POU2F2: variants seen among roughly 807,000 people sequenced by gnomAD.
POU2F2 encodes the protein POU class 2 homeobox 2, also known as POU domain, class 2, transcription factor 2.
POU2F2 carries 14 observed loss-of-function variants against 63.5 expected under a neutral mutation model. That is an observed-to-expected ratio of 0.22 (90% CI 0.15 to 0.34). The LOEUF (loss-of-function observed/expected upper bound fraction) is 0.34, where lower values mean the gene tolerates loss of function less well. Ranked by LOEUF, POU2F2 falls within the 10% of genes least tolerant of loss-of-function variation. The pLI, the probability that POU2F2 is intolerant of heterozygous loss-of-function variation, is 1.00. For missense variants in POU2F2, 607 were observed against 815.2 expected, an observed-to-expected ratio of 0.74 and a Z score of 3.11; for synonymous variants, 306 against 348.6, an observed-to-expected ratio of 0.88 and a Z score of 1.36.
At position 42,095,337 on chromosome 19, in the gene POU2F2, C is replaced by T. The variant is rs192872020; in HGVS notation, c.1146G>A (p.Ala382=). 4.2e-5 allele frequency: 67 copies of T among 1,613,964 alleles called. No individual in the cohort carries two copies. In the East Asian group the frequency reaches 1.3e-3, roughly 32 times the overall value. ...QKEKRINPCS[A]APMLPSPGKP... The stretch of plus-strand genomic sequence containing the variant: ...TCCCTGGGCTGGGCAGCATGGGGGC[C>T]GCACTGCAGGGGTTGATGCGTTTCT... Residue 382 remains alanine (A), a synonymous_variant, in exon 11 of 15, where the codon GCG becomes GCA. Coordinates refer to ENST00000692977, the MANE Select transcript of POU2F2 (RefSeq NM_001394376.1). This position sits in a 1 kb window ranked among gnomAD's most constrained non-coding sequence, Gnocchi z 7.1.
upstream of POU2F2, among the ~76,000 whole-genome samples, chr19:42,180,923 T>A (rs1305176067): frequency 2.0e-5 from 3 of 150,376 alleles, no homozygotes; most frequent in Non-Finnish European, 3.0e-5. Context: ...AGAGATGAGG[T>A]CTCCATATGT....
upstream of POU2F2, among the ~76,000 whole-genome samples, chr19:42,136,186 C>CTTTT (rs775409108): frequency 7.7e-6 from 1 of 130,466 alleles, no homozygotes; most frequent in Non-Finnish European, 1.6e-5. Context: ...CTATGCTTTC[C>CTTTT]TTTTTTTTTT....
chr19:42,101,070 C>T (rs2077122644), intron 5 of POU2F2, among the ~76,000 whole-genome samples: 1 of 152,166 alleles, frequency 6.6e-6, no homozygotes, highest in African/African-American at 2.4e-5. Context: ...TGTGTCTCTG[C>T]ACTGCAGCCT....
chr19:42,152,997 C>T lies in POU2F2; in HGVS notation c.-9+7335G>A, dbSNP rs1159631354. On this transcript the variant is annotated intron_variant, in intron 2 of 6. Coordinates refer to the POU2F2 transcript ENST00000524801. This position sits in a 1 kb window ranked among gnomAD's most constrained non-coding sequence, Gnocchi z 4.1. ...TGAATGGACACAAAGAACAGTGGGG[C>T]GAACCCTCAGGCCGGCCTGCGCCCA... is the stretch of plus-strand genomic sequence containing the variant. 6.6e-6 allele frequency among the ~76,000 whole-genome samples: 1 copy of T among 152,076 alleles called. No individual in the cohort carries two copies. The highest frequency in any genetic ancestry group is 2.4e-5 in the African/African-American group (1 of 41,394).
At position 42,153,996 on chromosome 19, in the gene POU2F2, G is replaced by A. The variant is rs1234199519; in HGVS notation, c.-9+6336C>T. 2.0e-5 allele frequency among the ~76,000 whole-genome samples: 3 copies of A among 151,608 alleles called. No individual in the cohort carries two copies. Among genetic ancestry groups the A allele is most frequent in the Non-Finnish European group, 4.4e-5 (3 of 67,882 alleles). On this transcript the variant is annotated intron_variant, in intron 2 of 6. Transcript: ENST00000524801. This position sits in a 1 kb window ranked among gnomAD's most constrained non-coding sequence, Gnocchi z 5.6. Reference sequence around the variant, plus strand: ...CCCCGTCCCTCCCCCGGCACCTTGGGCAGGCTGTACCTCTGCTCCTCAACA... The same window carrying A: ...CCCCGTCCCTCCCCCGGCACCTTGGACAGGCTGTACCTCTGCTCCTCAACA...
At chr19:42,173,189 T>C (rs2034804750) in intron 1 of POU2F2, among the ~76,000 whole-genome samples, 1 of 152,286 alleles carries the variant, frequency 6.6e-6, no homozygotes, top group African/African-American at 2.4e-5. Context: ...GAGGAGGCCT[T>C]ACACCCACTC....
At chr19:42,112,159 G>A (rs2031209410) in intron 5 of POU2F2, among the ~76,000 whole-genome samples, 1 of 152,204 alleles carries the variant, frequency 6.6e-6, no homozygotes, top group African/African-American at 2.4e-5. Context: ...GGACTCCAAG[G>A]CCCTGTGGAT....
chr19:42,109,374 G>C (rs1313586568), intron 5 of POU2F2, among the ~76,000 whole-genome samples: 1 of 152,202 alleles, frequency 6.6e-6, no homozygotes, highest in Admixed American at 6.5e-5. Context: ...ATGGCAAATT[G>C]TGACCAGCTC....
upstream of POU2F2, among the ~76,000 whole-genome samples, chr19:42,133,212 C>A (rs533547182): frequency 4.3e-4 from 65 of 152,282 alleles, 1 homozygote; most frequent in East Asian, 0.012. The surrounding 1 kb of genome is among the most constrained non-coding windows in gnomAD (Gnocchi z 5.1). Flanking sequence ...CGCGCTGCGG[C>A]GCTCCCATTT....
At chr19:42,161,338 A>G (rs1213178069) in intron 1 of POU2F2, among the ~76,000 whole-genome samples, 1 of 152,138 alleles carries the variant, frequency 6.6e-6, no homozygotes, top group African/African-American at 2.4e-5. Flanking sequence ...GCCTGGTCCA[A>G]GCAGCCAGGG....
intron 1 of POU2F2, among the ~76,000 whole-genome samples, chr19:42,195,102 GGAGGGAGGGAGGGAGGAACGAAGA>G (rs2035124958): frequency 2.2e-5 from 2 of 89,044 alleles, no homozygotes; most frequent in African/African-American, 9.1e-5. Context: ...AGGAAGGAAG[GGAGGGAGGGAGGGAGGAACGAAGA>G]GAGGGAGGAA....
chr19:42,111,798 T>C (rs536885238), intron 5 of POU2F2, among the ~76,000 whole-genome samples: 13 of 152,268 alleles, frequency 8.5e-5, no homozygotes, highest in Admixed American at 3.9e-4. Context: ...TCTTTTCTAC[T>C]CTTATCCCCT....
intron 1 of POU2F2, among the ~76,000 whole-genome samples, chr19:42,193,731 T>C (rs966238295): frequency 1.3e-5 from 2 of 152,262 alleles, no homozygotes; most frequent in Non-Finnish European, 2.9e-5. Context: ...TGCATACGCA[T>C]ACCTATGTCC....
At chr19:42,106,836 G>C (rs932904870) in intron 5 of POU2F2, among the ~76,000 whole-genome samples, 1 of 150,814 alleles carries the variant, frequency 6.6e-6, no homozygotes, top group Non-Finnish European at 1.5e-5. Context: ...GGAGGAGGAG[G>C]AGCAGGAGGA....
intron 5 of POU2F2, among the ~76,000 whole-genome samples, chr19:42,115,495 G>T (rs1053567424): frequency 3.3e-5 from 5 of 152,182 alleles, no homozygotes; most frequent in Non-Finnish European, 5.9e-5. Flanking sequence ...AGGTGGCTTT[G>T]CTGTAGGGCT....
At chr19:42,182,809 G>A (rs2034976916) in intron 1 of POU2F2, among the ~76,000 whole-genome samples, 1 of 152,208 alleles carries the variant, frequency 6.6e-6, no homozygotes, top group African/African-American at 2.4e-5. Flanking sequence ...GGGACAGGCA[G>A]GAGGAGGAGT....
intron 2 of POU2F2, among the ~76,000 whole-genome samples, chr19:42,142,298 C>T (rs1023633631): frequency 2.6e-5 from 4 of 152,056 alleles, no homozygotes; most frequent in Admixed American, 1.3e-4. Context: ...TCAAGGGATT[C>T]TCCTGCCTCA....
intron 2 of POU2F2, among the ~76,000 whole-genome samples, chr19:42,143,816 T>C (rs547246014): frequency 6.6e-6 from 1 of 152,268 alleles, no homozygotes; most frequent in South Asian, 2.1e-4. Flanking sequence ...GTCCCCTTAC[T>C]TACTCCAGAA....
At chr19:42,154,269 C>A (rs563954979) in intron 2 of POU2F2, among the ~76,000 whole-genome samples, 5 of 151,054 alleles carry the variant, frequency 3.3e-5, no homozygotes, top group African/African-American at 1.2e-4. Flanking sequence ...CCCCGAGAGA[C>A]GACAAGAGAA....
Sources: gnomAD v4.1 joint callset for allele counts (sites outside exome capture counted in the v4.1 genomes callset) on GRCh38, gnomAD v4.1.1 for gene constraint, Gnocchi (gnomAD v3.1) non-coding constraint, MANE v1.5 for transcripts, NCBI Gene and HGNC (gene_info 2026-07-23, HGNC 2026-07-21) for gene names.